ACAN: variants seen among roughly 807,000 people sequenced by gnomAD.
ACAN encodes the protein aggrecan core protein.
In ACAN, 47 loss-of-function variants were observed where a neutral mutation model predicts 169.1. The ratio of observed to expected loss-of-function variants is 0.28; its 90% confidence interval spans 0.22 to 0.35. The LOEUF (loss-of-function observed/expected upper bound fraction) is 0.35. Ranked by LOEUF, ACAN falls within the 10% of genes least tolerant of loss-of-function variation. ACAN has a pLI of 1.00. For synonymous variants in ACAN, 1,115 were observed against 1,112.2 expected, an observed-to-expected ratio of 1.00 and a Z score of -0.05; for missense variants, 2,716 against 2,759.9, an observed-to-expected ratio of 0.98 and a Z score of 0.36.
Position 88,858,338 on chromosome 15 carries a change from C to T in ACAN, c.5753C>T (p.Pro1918Leu), listed in dbSNP as rs2141610695. Residue 1918 changes from proline to leucine, a missense_variant, in exon 12 of 19, where the codon CCC (proline) becomes CTC (leucine). Physicochemically the swap from Pro to Leu is moderately conservative, Grantham distance 98 (BLOSUM62 -3). Transcript: ENST00000560601. The surrounding 1 kb of genome is among the most constrained non-coding windows in gnomAD (Gnocchi z 4.0). The stretch of plus-strand genomic sequence containing the variant: ...AGAGCTGAGATTGGGAGCAGCCTGC[C>T]CTCGGGAGCATATTATGGCAGTGGA... ...SSRAEIGSSL[P>L]SGAYYGSGTP... The T allele has an allele frequency of 6.2e-7, 1 of 1,613,934 alleles. No homozygotes were observed. Among genetic ancestry groups the T allele is most frequent in the Non-Finnish European group, 8.5e-7 (1 of 1,179,890 alleles).
Position 88,839,876 on chromosome 15 carries a change from G to A in ACAN, c.455-136G>A. 3 of 991,664 alleles carry A rather than the reference G, an allele frequency of 3.0e-6. No homozygotes were observed. Among genetic ancestry groups the A allele is most frequent in the Non-Finnish European group, 4.5e-6 (3 of 672,236 alleles). The allele number at this position is 991,664 out of a possible 1,614,324, so 61.4% of individuals were successfully genotyped here. A position where few individuals can be genotyped will look rare whatever the true frequency, so the allele number is the denominator to read the frequency against. On this transcript the variant is annotated intron_variant, in intron 3 of 18. Transcript: ENST00000560601. The surrounding 1 kb of genome is among the most constrained non-coding windows in gnomAD (Gnocchi z 4.5). ...GAAGGATCACGTGCAAAGGTGTACA[G>A]GGAGTCATGCATCAGCCCAGACCAG...
intron 1 of ACAN, among the ~76,000 whole-genome samples, chr15:88,834,372 G>A (rs1896445829): frequency 6.6e-6 from 1 of 152,186 alleles, no homozygotes. Context: ...GGCCCACCCT[G>A]CCCCTGCCCC....
At chr15:88,853,825 T>C (rs537978765) in intron 11 of ACAN, among the ~76,000 whole-genome samples, 1 of 147,228 alleles carries the variant, frequency 6.8e-6, no homozygotes, top group Non-Finnish European at 1.5e-5. Flanking sequence ...AAGAATCTTT[T>C]TCGGGTCCTG....
Position 88,859,298 on chromosome 15 carries a change from C to T in ACAN, c.6713C>T (p.Ser2238Phe). 6.2e-7 allele frequency: 1 copy of T among 1,612,662 alleles called. No homozygotes were observed. The highest frequency in any genetic ancestry group is 8.5e-7 in the Non-Finnish European group (1 of 1,179,318). Reference sequence around the variant, plus strand: ...GCAGAGACGCATCTAGAAATTGAGTCCTCAAGCCTCCTGTACTCAGGAGAA... The same window carrying T: ...GCAGAGACGCATCTAGAAATTGAGTTCTCAAGCCTCCTGTACTCAGGAGAA... ...RPAETHLEIE[S>F]SSLLYSGEET... Residue 2238 changes from serine to phenylalanine, a missense_variant, in exon 12 of 19, where the codon TCC becomes TTC. Transcript: ENST00000560601.
Position 88,814,945 on chromosome 15 carries a change from G to A in ACAN, c.-8+11136G>A, listed in dbSNP as rs1460688533. ...TAAATGTACCAGAAGAACCTTTGGTGGTTCTCAGCCAGTTAAGGTGGCTGA... is the reference window on the plus strand; with the variant it reads ...TAAATGTACCAGAAGAACCTTTGGTAGTTCTCAGCCAGTTAAGGTGGCTGA... On this transcript the variant is annotated intron_variant, in intron 1 of 18. Coordinates refer to ENST00000560601, the MANE Select transcript of ACAN (RefSeq NM_001369268.1). This position sits in a 1 kb window ranked among gnomAD's most constrained non-coding sequence, Gnocchi z 4.0. Among the ~76,000 whole-genome samples the A allele has an allele frequency of 1.3e-5, 2 of 151,846 alleles. No homozygotes were observed. Among genetic ancestry groups the A allele is most frequent in the Non-Finnish European group, 2.9e-5 (2 of 68,004 alleles).
chr15:88,827,450 T>C (rs1158279932), intron 1 of ACAN, among the ~76,000 whole-genome samples: 2 of 152,268 alleles, frequency 1.3e-5, no homozygotes, highest in African/African-American at 2.4e-5. Context: ...GTGTTTCTTA[T>C]CAGGCTAGCA....
intron 1 of ACAN, among the ~76,000 whole-genome samples, chr15:88,823,767 G>C (rs1567168006): frequency 7.0e-6 from 1 of 142,204 alleles, no homozygotes; most frequent in Non-Finnish European, 1.5e-5. Flanking sequence ...TCAGCTCTGA[G>C]TTCTGTTTTT....
chr15:88,836,172 A>C (rs1896497901), intron 1 of ACAN, 28 bp from the exon 2 acceptor site: 1 of 1,571,698 alleles, frequency 6.4e-7, no homozygotes, highest in African/African-American at 1.4e-5. Flanking sequence ...TCACTGTCTA[A>C]ATAACGCCTC....
At chr15:88,832,992 C>T (rs138868002) in intron 1 of ACAN, among the ~76,000 whole-genome samples, 1 of 152,308 alleles carries the variant, frequency 6.6e-6, no homozygotes, top group Non-Finnish European at 1.5e-5. Flanking sequence ...TGGGGCAGGT[C>T]CTAGATTATT....
rs1895706680 is a variant in ACAN at position 88,807,300 on chromosome 15, A to G, written c.-8+3491A>G. Among the ~76,000 whole-genome samples the G allele has an allele frequency of 1.3e-5, 2 of 152,212 alleles. No individual in the cohort carries two copies. Among genetic ancestry groups the G allele is most frequent in the African/African-American group, 4.8e-5 (2 of 41,450 alleles). The stretch of plus-strand genomic sequence containing the variant: ...GACAGGCCAGCAGCTGCCCTGGGAA[A>G]GGGGATCAGGAGCACATCTTGGGAA... On this transcript the variant is annotated intron_variant, in intron 1 of 18. Coordinates refer to ENST00000560601, the MANE Select transcript of ACAN (RefSeq NM_001369268.1). This position sits in a 1 kb window ranked among gnomAD's most constrained non-coding sequence, Gnocchi z 4.0.
At chr15:88,860,225 G>C in intron 12 of ACAN, 101 bp from the exon 13 acceptor site, 1 of 779,618 alleles carries the variant, frequency 1.3e-6, no homozygotes. Context: ...AGCCAGCCTC[G>C]TGGACTTCAG....
chr15:88,848,830 A>ACATC (rs1370027473), intron 9 of ACAN, among the ~76,000 whole-genome samples: 2 of 152,202 alleles, frequency 1.3e-5, no homozygotes, highest in African/African-American at 2.4e-5. Context: ...GCTGATTTAT[A>ACATC]TGTACATCAG....
At chr15:88,836,480 T>C (rs1896506846) in intron 2 of ACAN, among the ~76,000 whole-genome samples, 1 of 152,190 alleles carries the variant, frequency 6.6e-6, no homozygotes, top group Non-Finnish European at 1.5e-5. Context: ...TGCAGGAGCC[T>C]TGCTCAGATA....
intron 1 of ACAN, among the ~76,000 whole-genome samples, chr15:88,810,536 G>A (rs1158867086): frequency 6.6e-6 from 1 of 151,940 alleles, no homozygotes; most frequent in African/African-American, 2.4e-5. Context: ...TCCCCAAGCA[G>A]ATGCTCCCTG....
chr15:88,854,442 G>T (rs1281001803), intron 11 of ACAN, among the ~76,000 whole-genome samples: 1 of 152,122 alleles, frequency 6.6e-6, no homozygotes, highest in Admixed American at 6.6e-5. Flanking sequence ...TCAATGAGAT[G>T]GTAATGTGGA....
chr15:88,851,833 G>A lies in ACAN; in HGVS notation c.2066G>A (p.Gly689Asp), dbSNP rs764128416. 1.1e-5 allele frequency: 18 copies of A among 1,608,730 alleles called. No individual in the cohort carries two copies. In the Admixed American group the frequency reaches 3.0e-4, roughly 27 times the overall value. The change falls in exon 11 of 19, where the codon GGC becomes GAC. Residue 689 changes from glycine (G) to aspartate (D), a missense_variant. Coordinates refer to ENST00000560601, the MANE Select transcript of ACAN (RefSeq NM_001369268.1). The surrounding 1 kb of genome is among the most constrained non-coding windows in gnomAD (Gnocchi z 4.3). ...AVPSPGEEEG[G>D]TPTSPSGVEE... ...CCTTCTCCAGGAGAAGAAGAGGGTG[G>A]CACACCCACATCACCCTCTGGTGTG...
chr15:88,837,919 CT>C (rs545798859), intron 2 of ACAN, among the ~76,000 whole-genome samples: 4,756 of 66,754 alleles, frequency 0.071, 79 homozygotes, highest in Non-Finnish European at 0.092. Flanking sequence ...TGTTTTTTTT[CT>C]TTTTTTTTTT....
Position 88,858,599 on chromosome 15 carries a change from G to C in ACAN, c.6014G>C (p.Ser2005Thr). 6.2e-7 allele frequency: 1 copy of C among 1,613,936 alleles called. No individual in the cohort carries two copies. The highest frequency in any genetic ancestry group is 1.1e-5 in the South Asian group (1 of 91,086). The part of the protein sequence containing the change: ...SGEPPGTPYF[S>T]GDFASTTNVS... ...GAGCCACCAGGTACTCCATATTTTA[G>C]TGGGGATTTTGCCAGCACCACCAAT... Residue 2005 changes from serine to threonine, a missense_variant, in exon 12 of 19, where the codon AGT becomes ACT. Ser to Thr is a moderately conservative substitution (Grantham distance 58, BLOSUM62 1). Around this residue, in one of 3 missense-constraint regions of ACAN, gnomAD observed 1,389 missense variants for 1,363.7 expected, o/e 1.02. Transcript: ENST00000560601. This position sits in a 1 kb window ranked among gnomAD's most constrained non-coding sequence, Gnocchi z 4.0.
In ACAN at chr15:88,857,747, G is replaced by A; in HGVS notation, c.5162G>A (p.Gly1721Glu). ...SGTELSGQASGSPDVSGEIPG... is the reference protein window; with the variant it reads ...SGTELSGQASESPDVSGEIPG... ...ACTGAACTCAGTGGCCAAGCATCTGGGTCTCCTGATGTCAGTGGGGAAATA... is the reference window on the plus strand; with the variant it reads ...ACTGAACTCAGTGGCCAAGCATCTGAGTCTCCTGATGTCAGTGGGGAAATA... The change falls in exon 12 of 19, where the codon GGG (glycine) becomes GAG (glutamate). Residue 1721 changes from glycine (G) to glutamate (E), a missense_variant. Coordinates refer to ENST00000560601, the MANE Select transcript of ACAN (RefSeq NM_001369268.1). The A allele has an allele frequency of 6.2e-7, 1 of 1,613,944 alleles. No homozygotes were observed.
Sources: allele counts gnomAD v4.1 joint callset (sites outside exome capture counted in the v4.1 genomes callset), GRCh38; gene constraint gnomAD v4.1.1; regional missense constraint gnomAD v4.1.1; non-coding constraint Gnocchi (gnomAD v3.1); transcripts MANE v1.5; gene names NCBI Gene and HGNC (gene_info 2026-07-23, HGNC 2026-07-21).